NLK: variants seen among roughly 807,000 people sequenced by gnomAD.
The protein encoded by NLK is nemo like kinase, also known as serine/threonine-protein kinase NLK.
A neutral mutation model predicts 59.0 loss-of-function variants in NLK; 11 were observed. The observed-to-expected ratio is 0.19, with a 90% confidence interval of 0.12 to 0.31. NLK has a LOEUF of 0.31. Ranked by LOEUF, NLK falls within the 10% of genes least tolerant of loss-of-function variation. The pLI, the probability that NLK is intolerant of heterozygous loss-of-function variation, is 1.00. For missense variants in NLK, 410 were observed against 661.1 expected (o/e 0.62, Z 4.16); for synonymous variants, 235 against 235.9 (o/e 1.00, Z 0.03).
intron 1 of NLK, among the ~76,000 whole-genome samples, chr17:28,084,092 G>T (rs1910434675): frequency 6.6e-6 from 1 of 152,190 alleles, no homozygotes. Flanking sequence ...AGTATAGTGG[G>T]TTTAACGCTG....
Position 28,189,047 on chromosome 17 carries a change from A to G in NLK, c.1237-1974A>G, listed in dbSNP as rs137928778. ...CCCTAATTTGGAACTTTGAGTGCCA[A>G]CATGACACCACAAATGACCTGACCT... On this transcript the variant is annotated intron_variant, in intron 8 of 10. Coordinates refer to ENST00000407008, the MANE Select transcript of NLK (RefSeq NM_016231.5). 3.9e-3 allele frequency among the ~76,000 whole-genome samples: 594 copies of G among 152,120 alleles called. 3 individuals are homozygous for G. Among genetic ancestry groups the G allele is most frequent in the African/African-American group, 0.012 (490 of 41,488 alleles).
At chr17:28,162,632 G>A (rs774317147) in intron 4 of NLK, among the ~76,000 whole-genome samples, 3 of 151,944 alleles carry the variant, frequency 2.0e-5, no homozygotes, top group African/African-American at 4.8e-5. Flanking sequence ...GTGAGACTCC[G>A]TCTCAAAAAA....
intron 1 of NLK, among the ~76,000 whole-genome samples, chr17:28,092,757 A>G (rs1597675561): frequency 9.2e-6 from 1 of 108,882 alleles, no homozygotes; most frequent in South Asian, 2.7e-4. Flanking sequence ...TTTTTATTTT[A>G]TTTTATTTTA....
intron 1 of NLK, among the ~76,000 whole-genome samples, chr17:28,046,487 T>C (rs1282347055): frequency 6.6e-6 from 1 of 152,210 alleles, no homozygotes; most frequent in Non-Finnish European, 1.5e-5. Context: ...TCATATACAA[T>C]TTGACCTTCT....
chr17:28,108,595 TAC>T (rs1208297315), intron 1 of NLK, among the ~76,000 whole-genome samples: 10 of 152,218 alleles, frequency 6.6e-5, no homozygotes, highest in Non-Finnish European at 7.3e-5. Flanking sequence ...AACAAATATA[TAC>T]CTGTTTACAG....
intron 3 of NLK, among the ~76,000 whole-genome samples, chr17:28,155,311 A>T (rs1279201997): frequency 6.6e-6 from 1 of 152,180 alleles, no homozygotes; most frequent in Non-Finnish European, 1.5e-5. Flanking sequence ...GAGAAATAGG[A>T]ACGCTTTTAC....
intron 3 of NLK, among the ~76,000 whole-genome samples, chr17:28,134,512 G>A (rs369913214): frequency 6.6e-6 from 1 of 152,166 alleles, no homozygotes; most frequent in Admixed American, 6.5e-5. Flanking sequence ...AACATACAGA[G>A]GATTGGATAC....
chr17:28,054,904 T>G (rs183039167), intron 1 of NLK, among the ~76,000 whole-genome samples: 1 of 152,208 alleles, frequency 6.6e-6, no homozygotes, highest in Admixed American at 6.5e-5. Context: ...AAATAAAAAT[T>G]AGCTGGGTGT....
At chr17:28,186,891 A>G (rs929449945) in intron 8 of NLK, among the ~76,000 whole-genome samples, 6 of 152,354 alleles carry the variant, frequency 3.9e-5, no homozygotes, top group African/African-American at 1.4e-4. Context: ...TTGCTCCCAC[A>G]GTCTCTCTTT....
intron 1 of NLK, among the ~76,000 whole-genome samples, chr17:28,111,896 G>GTGTGTGGTGTGTGT (rs1394476582): frequency 4.4e-5 from 3 of 67,544 alleles, no homozygotes; most frequent in African/African-American, 1.2e-4. Context: ...GTGTGTGTGT[G>GTGTGTGGTGTGTGT]GTGTGTGTGT....
intron 1 of NLK, among the ~76,000 whole-genome samples, chr17:28,073,212 A>G (rs1910065187): frequency 6.6e-6 from 1 of 151,956 alleles, no homozygotes; most frequent in South Asian, 2.1e-4. Flanking sequence ...GCCAATAAAG[A>G]CCCTTATTCT....
rs144927560 is a variant in NLK, at chr17:28,049,529, G to A, written c.458+6198G>A. ...GCTGCTGTTGTCTGTATTGTGCTTAGTACTGAGGTATAGGGATGTTTAAGT... is the reference window on the plus strand; with the variant it reads ...GCTGCTGTTGTCTGTATTGTGCTTAATACTGAGGTATAGGGATGTTTAAGT... On this transcript the variant is annotated intron_variant, in intron 1 of 10. Coordinates refer to ENST00000407008, the MANE Select transcript of NLK (RefSeq NM_016231.5). Among the ~76,000 whole-genome samples, 47 of 152,298 alleles carry A rather than the reference G, an allele frequency of 3.1e-4. No individual in the cohort carries two copies. In the South Asian group the frequency reaches 7.0e-3, roughly 23 times the overall value.
intron 3 of NLK, among the ~76,000 whole-genome samples, chr17:28,149,322 C>T (rs1055810720): frequency 6.6e-6 from 1 of 152,142 alleles, no homozygotes; most frequent in Non-Finnish European, 1.5e-5. Context: ...CCTCGGCCTC[C>T]CAAAGTGCCG....
At chr17:28,159,594 T>C (rs917336165) in intron 3 of NLK, among the ~76,000 whole-genome samples, 2 of 152,190 alleles carry the variant, frequency 1.3e-5, no homozygotes, top group Non-Finnish European at 2.9e-5. Context: ...TGTAAGTGAA[T>C]CCCACATGCC....
chr17:28,183,036 C>A (rs1908973909), intron 7 of NLK, among the ~76,000 whole-genome samples: 1 of 152,170 alleles, frequency 6.6e-6, no homozygotes, highest in Admixed American at 6.6e-5. Context: ...TTATAGGGAA[C>A]CCCTGAAGAA....
At chr17:28,146,321 A>G (rs1473058444) in intron 3 of NLK, among the ~76,000 whole-genome samples, 1 of 152,052 alleles carries the variant, frequency 6.6e-6, no homozygotes, top group Non-Finnish European at 1.5e-5. Context: ...TTGGCATACC[A>G]CCTAGCATGT....
At chr17:28,203,200 C>CACACACACACACACAG in the NLK span, among the ~76,000 whole-genome samples, 7 of 150,962 alleles carry the variant, frequency 4.6e-5, no homozygotes, top group African/African-American at 1.7e-4. Context: ...CACACACACA[C>CACACACACACACACAG]AGTCTCAGTC....
At chr17:28,137,524 G>T (rs1906807165) in intron 3 of NLK, among the ~76,000 whole-genome samples, 1 of 152,034 alleles carries the variant, frequency 6.6e-6, no homozygotes, top group Non-Finnish European at 1.5e-5. Flanking sequence ...TTTTAAACCA[G>T]CAGGCGCTTT....
At chr17:28,186,362 G>A (rs1909116552) in intron 8 of NLK, among the ~76,000 whole-genome samples, 1 of 152,116 alleles carries the variant, frequency 6.6e-6, no homozygotes, top group Non-Finnish European at 1.5e-5. Flanking sequence ...GAACCAATTA[G>A]GGTGACCCAA....
Sources: gnomAD v4.1 joint callset for allele counts (sites outside exome capture counted in the v4.1 genomes callset) on GRCh38, gnomAD v4.1.1 for gene constraint, MANE v1.5 for transcripts, NCBI Gene and HGNC (gene_info 2026-07-23, HGNC 2026-07-21) for gene names.